IQSEC1: variants seen among roughly 807,000 people sequenced by gnomAD.
IQSEC1 encodes IQ motif and Sec7 domain ArfGEF 1.
A neutral mutation model predicts 91.0 loss-of-function variants in IQSEC1; 31 were observed. That is an observed-to-expected ratio of 0.34 (90% CI 0.26 to 0.46). IQSEC1 has a LOEUF of 0.46. Among genes scored for constraint, IQSEC1 ranks in the 20% least tolerant of loss-of-function variants. The pLI is 1.00. For missense variants in IQSEC1, 1,388 were observed against 1,575.6 expected (o/e 0.88, Z 2.02); for synonymous variants, 699 against 662.6 (o/e 1.05, Z -0.84).
chr3:13,071,120 T>G (rs1410753291), intron 1 of IQSEC1, among the ~76,000 whole-genome samples: 1 of 150,920 alleles, frequency 6.6e-6, no homozygotes, highest in Non-Finnish European at 1.5e-5. Flanking sequence ...GAAACCAGAA[T>G]GTCTGGGGGT....
At chr3:13,234,782 T>C (rs1172061331) in intron 1 of IQSEC1, among the ~76,000 whole-genome samples, 1 of 152,172 alleles carries the variant, frequency 6.6e-6, no homozygotes, top group Non-Finnish European at 1.5e-5. Flanking sequence ...TAGTGTTCCT[T>C]AATTCTTTCC....
chr3:13,071,917 C>T (rs776966186), intron 1 of IQSEC1, among the ~76,000 whole-genome samples: 12 of 152,352 alleles, frequency 7.9e-5, no homozygotes, highest in African/African-American at 2.4e-4. Flanking sequence ...GCACTGCTGA[C>T]GCAGCAGAGG....
intron 1 of IQSEC1, among the ~76,000 whole-genome samples, chr3:12,947,307 C>T (rs1038345233): frequency 6.6e-6 from 1 of 152,164 alleles, no homozygotes; most frequent in Admixed American, 6.5e-5. Flanking sequence ...CAAGCTGCGG[C>T]AGGTCAGACA....
At chr3:12,906,028 C>T (rs776154103) in intron 12 of IQSEC1, among the ~76,000 whole-genome samples, 38 of 152,336 alleles carry the variant, frequency 2.5e-4, no homozygotes, top group Non-Finnish European at 3.7e-4. Context: ...GCCCCCTTCC[C>T]TCTAACTCTT....
chr3:13,252,346 C>T (rs1055351977), intron 1 of IQSEC1, among the ~76,000 whole-genome samples: 2 of 152,210 alleles, frequency 1.3e-5, no homozygotes, highest in Admixed American at 6.5e-5. Flanking sequence ...CCTCGAGATT[C>T]ATCCACACTG....
chr3:13,233,425 T>G (rs1576304178), intron 1 of IQSEC1, among the ~76,000 whole-genome samples: 1 of 152,246 alleles, frequency 6.6e-6, no homozygotes, highest in East Asian at 1.9e-4. Context: ...GCCCCTGTTC[T>G]GGCTGTGCTG....
chr3:13,256,387 T>C (rs1471107354), intron 1 of IQSEC1, among the ~76,000 whole-genome samples: 1 of 152,226 alleles, frequency 6.6e-6, no homozygotes, highest in Non-Finnish European at 1.5e-5. Context: ...GATATAATGA[T>C]ATCATATATA....
In IQSEC1 at chr3:12,956,057, G is replaced by C. The variant is rs188464531; in HGVS notation, c.24-14192C>G. Among the ~76,000 whole-genome samples, 46 of 152,272 alleles carry C rather than the reference G, an allele frequency of 3.0e-4. No homozygotes were observed. The East Asian group carries it at 8.1e-3, about 27-fold the overall frequency. On this transcript the variant is annotated intron_variant, in intron 1 of 13. Coordinates refer to ENST00000613206, the MANE Select transcript of IQSEC1 (RefSeq NM_001134382.3). ...AGTTTCGGACTCATCTTGGGGACCT[G>C]ACCACCCTGGGTCCATATTCCCACT...
intron 1 of IQSEC1, among the ~76,000 whole-genome samples, chr3:13,257,726 T>C (rs960952752): frequency 2.0e-5 from 3 of 152,166 alleles, no homozygotes; most frequent in African/African-American, 7.2e-5. Flanking sequence ...AGCCCAGGAA[T>C]TAAAAACGGC....
At chr3:12,912,726 G>A (rs1045696309) in intron 9 of IQSEC1, among the ~76,000 whole-genome samples, 4 of 148,960 alleles carry the variant, frequency 2.7e-5, no homozygotes, top group Non-Finnish European at 3.0e-5. Flanking sequence ...AAGAAAGCCC[G>A]TGGCATGCAG....
intron 1 of IQSEC1, among the ~76,000 whole-genome samples, chr3:13,071,102 C>A (rs1221815012): frequency 1.1e-4 from 16 of 151,710 alleles, no homozygotes; most frequent in Admixed American, 2.6e-4. Context: ...AGCCCTCCCC[C>A]AAACCTAGAA....
At chr3:13,053,058 G>T in intron 1 of IQSEC1, 1 of 1,088,464 alleles carries the variant, frequency 9.2e-7, no homozygotes, top group Non-Finnish European at 1.4e-6. Flanking sequence ...CGGGGGAATG[G>T]GACGATTTTG....
At chr3:13,071,733 C>T (rs1705434811) in intron 1 of IQSEC1, among the ~76,000 whole-genome samples, 1 of 152,048 alleles carries the variant, frequency 6.6e-6, no homozygotes, top group South Asian at 2.1e-4. Context: ...CCAGAGGCCA[C>T]CGCCATCCCC....
intron 1 of IQSEC1, among the ~76,000 whole-genome samples, chr3:13,010,388 C>A (rs568617370): frequency 2.0e-5 from 3 of 152,292 alleles, no homozygotes; most frequent in African/African-American, 7.2e-5. Flanking sequence ...GTTCATCCCC[C>A]CTGCTCAAGT....
At position 12,897,436 on chromosome 3, in the gene IQSEC1, A is replaced by G. The variant is rs1693755491; in HGVS notation, c.*3547T>C. Reference sequence around the variant, plus strand: ...ATTCAGGACCTGATTCTAATTGCTTAAAACAACTCGGAGGCAAAAGATATT... The same window carrying G: ...ATTCAGGACCTGATTCTAATTGCTTGAAACAACTCGGAGGCAAAAGATATT... On this transcript the variant is annotated 3_prime_UTR_variant, in exon 14 of 14. Transcript: ENST00000613206. 6.6e-6 allele frequency: 1 copy of G among 152,232 alleles called. No homozygotes were observed. Among genetic ancestry groups the G allele is most frequent in the South Asian group, 2.1e-4 (1 of 4,824 alleles). 9.4% of individuals were successfully genotyped at this position (152,232 alleles called of 1,614,324 possible). A position where few individuals can be genotyped will look rare whatever the true frequency, so the allele number is the denominator to read the frequency against.
intron 2 of IQSEC1, among the ~76,000 whole-genome samples, chr3:13,137,010 G>T (rs1388601757): frequency 6.6e-6 from 1 of 152,168 alleles, no homozygotes; most frequent in Non-Finnish European, 1.5e-5. Flanking sequence ...AGTGGCACAT[G>T]CCTGTGGTCC....
intron 1 of IQSEC1, chr3:13,022,329 C>G (rs1703438083): frequency 1.7e-6 from 2 of 1,195,926 alleles, no homozygotes; most frequent in Non-Finnish European, 1.0e-6. Flanking sequence ...ACCGGCCAGC[C>G]TCTGTGCCCT....
At chr3:13,228,238 G>A (rs555465545) in intron 1 of IQSEC1, among the ~76,000 whole-genome samples, 62 of 152,282 alleles carry the variant, frequency 4.1e-4, no homozygotes, top group Non-Finnish European at 8.1e-4. Context: ...TTTACAAGGC[G>A]CATAGGAACA....
chr3:12,915,255 C>A, intron 7 of IQSEC1, 122 bp from the exon 8 acceptor site: 1 of 1,117,552 alleles, frequency 8.9e-7, no homozygotes, highest in South Asian at 1.4e-5. Context: ...ATGTGGGGTA[C>A]CCACTCTCTC....
Sources: gnomAD v4.1 joint callset for allele counts (sites outside exome capture counted in the v4.1 genomes callset) on GRCh38, gnomAD v4.1.1 for gene constraint, MANE v1.5 for transcripts, NCBI Gene and HGNC (gene_info 2026-07-23, HGNC 2026-07-21) for gene names.